RAB4A: variants seen among roughly 807,000 people sequenced by gnomAD.
RAB4A encodes RAB4A, member RAS oncogene family.
In RAB4A, 20 loss-of-function variants were observed where a neutral mutation model predicts 34.5. The observed-to-expected ratio is 0.58, with a 90% CI of 0.41 to 0.84. RAB4A has a LOEUF of 0.84. RAB4A is among the 40% of genes least tolerant of loss of function. RAB4A has a pLI of 0.00. For synonymous variants in RAB4A, 102 were observed against 100.0 expected (o/e 1.02, Z -0.12); for missense variants, 228 against 274.5 (o/e 0.83, Z 1.20).
In RAB4A at chr1:229,271,236, C is replaced by A; in HGVS notation, c.-104C>A. 2 of 1,166,896 alleles carry A rather than the reference C, an allele frequency of 1.7e-6. No homozygotes were observed. The highest frequency in any genetic ancestry group is 2.2e-6 in the Non-Finnish European group (2 of 921,204). The allele number at this position is 1,166,896 out of a possible 1,614,324, so 72.3% of individuals were successfully genotyped here. A position where few individuals can be genotyped will look rare whatever the true frequency, so the allele number is the denominator to read the frequency against. Reference sequence around the variant, plus strand: ...TGCCGTGGGGACCGGTCGGGCCCCTCCCTCCTCCGGTCCCCCGCCCCAGGT... The same window carrying A: ...TGCCGTGGGGACCGGTCGGGCCCCTACCTCCTCCGGTCCCCCGCCCCAGGT... On this transcript the variant is annotated 5_prime_UTR_variant, in exon 1 of 8. Coordinates refer to ENST00000366690, the MANE Select transcript of RAB4A (RefSeq NM_004578.4).
chr1:229,298,756 A>G lies in RAB4A; in HGVS notation c.446-221A>G, dbSNP rs185993410. 5.2e-5 allele frequency among the ~76,000 whole-genome samples: 8 copies of G among 152,386 alleles called. No individual in the cohort carries two copies. In the East Asian group the frequency reaches 1.5e-3, roughly 29 times the overall value. On this transcript the variant is annotated intron_variant, in intron 5 of 7. Transcript: ENST00000366690. ...CAGCCCCTTCACCAGGTTAAGTGCT[A>G]GCACAAGATAGCAGTTACTTTTCAG...
intron 3 of RAB4A, among the ~76,000 whole-genome samples, chr1:229,294,795 A>C (rs1033074617): frequency 6.6e-6 from 1 of 152,112 alleles, no homozygotes; most frequent in Non-Finnish European, 1.5e-5. Flanking sequence ...GCGCCATTGC[A>C]CTCTAGCCTG....
intron 4 of RAB4A, 58 bp from the exon 5 acceptor site, chr1:229,297,424 A>T: frequency 6.7e-7 from 1 of 1,502,214 alleles, no homozygotes; most frequent in Non-Finnish European, 9.0e-7. Context: ...GAATGACTGG[A>T]AAGAGTTGCT....
intron 3 of RAB4A, among the ~76,000 whole-genome samples, chr1:229,289,677 G>A (rs775754341): frequency 2.6e-5 from 4 of 152,078 alleles, no homozygotes; most frequent in East Asian, 1.9e-4. Context: ...TTAGCCGGGC[G>A]TGGTGGCAGG....
intron 2 of RAB4A, among the ~76,000 whole-genome samples, chr1:229,287,807 A>T (rs1656966090): frequency 1.3e-5 from 2 of 152,218 alleles, no homozygotes; most frequent in Non-Finnish European, 2.9e-5. Flanking sequence ...CCCTGTAAAT[A>T]ATAAATCCAG....
chr1:229,296,698 G>T (rs1479012913), intron 4 of RAB4A, among the ~76,000 whole-genome samples: 1 of 152,224 alleles, frequency 6.6e-6, no homozygotes. Flanking sequence ...TCCAGTGAGA[G>T]GATGTCACTC....
chr1:229,281,828 A>G (rs1393314655), intron 1 of RAB4A, among the ~76,000 whole-genome samples: 3 of 140,682 alleles, frequency 2.1e-5, no homozygotes, highest in Non-Finnish European at 4.5e-5. Flanking sequence ...ATATATATAT[A>G]TATATATATA....
intron 1 of RAB4A, among the ~76,000 whole-genome samples, chr1:229,279,586 T>C (rs1022945669): frequency 6.6e-6 from 1 of 152,210 alleles, no homozygotes; most frequent in African/African-American, 2.4e-5. Context: ...GGCTTTATGT[T>C]TGCTATTTCA....
chr1:229,298,481 T>G (rs1408006085), intron 5 of RAB4A, among the ~76,000 whole-genome samples: 1 of 152,242 alleles, frequency 6.6e-6, no homozygotes, highest in African/African-American at 2.4e-5. Flanking sequence ...GCCTTTCTGC[T>G]GAGATGAACA....
Position 229,291,748 on chromosome 1 carries a change from A to AGT in RAB4A, c.227+2907_227+2908dup, listed in dbSNP as rs548214753. Among the ~76,000 whole-genome samples the AGT allele has an allele frequency of 4.9e-3, 740 of 152,226 alleles. 9 individuals carry two copies. The highest frequency in any genetic ancestry group is 0.017 in the African/African-American group (705 of 41,526). The stretch of plus-strand genomic sequence containing the variant: ...GTGGAGAGTAGGGCTCCCAGAGAGG[A>AGT]GTGAGGCAGGAGATGGCTGTGTTTA... On this transcript the variant is annotated intron_variant, in intron 3 of 7. Transcript: ENST00000366690.
At chr1:229,277,285 G>A (rs533168341) in intron 1 of RAB4A, among the ~76,000 whole-genome samples, 4 of 150,972 alleles carry the variant, frequency 2.6e-5, no homozygotes, top group African/African-American at 7.4e-5. Flanking sequence ...CCGCTGTGCC[G>A]ACAACGTTTA....
At chr1:229,303,232 G>A (rs34999520) in intron 7 of RAB4A, among the ~76,000 whole-genome samples, 4 of 152,140 alleles carry the variant, frequency 2.6e-5, no homozygotes, top group East Asian at 1.9e-4. Context: ...GCGTGGTGGC[G>A]TGCACCTGTA....
chr1:229,281,880 CTTGTT>C (rs1399908171), intron 1 of RAB4A, among the ~76,000 whole-genome samples: 1 of 146,476 alleles, frequency 6.8e-6, no homozygotes, highest in Non-Finnish European at 1.5e-5. Context: ...TTTATCCTGT[CTTGTT>C]TTAATTGTCT....
intron 1 of RAB4A, among the ~76,000 whole-genome samples, chr1:229,276,345 T>C (rs745584023): frequency 6.6e-6 from 1 of 151,398 alleles, no homozygotes; most frequent in Non-Finnish European, 1.5e-5. Flanking sequence ...GCTCGAGAAC[T>C]TTGAAAGCAT....
chr1:229,280,222 C>T (rs948437024), intron 1 of RAB4A, among the ~76,000 whole-genome samples: 10 of 152,190 alleles, frequency 6.6e-5, no homozygotes, highest in African/African-American at 2.2e-4. Flanking sequence ...ATCATTGCTG[C>T]AAACCAGCAA....
At chr1:229,292,960 CTG>C (rs1263220196) in intron 3 of RAB4A, among the ~76,000 whole-genome samples, 1 of 152,232 alleles carries the variant, frequency 6.6e-6, no homozygotes, top group Non-Finnish European at 1.5e-5. Context: ...CCAGTCACAA[CTG>C]GAGTGCCCAG....
At chr1:229,271,493 G>T in intron 1 of RAB4A, 123 bp downstream of exon 1, 1 of 816,322 alleles carries the variant, frequency 1.2e-6, no homozygotes, top group Non-Finnish European at 1.6e-6. Flanking sequence ...CCGGGGGACG[G>T]ATCTCGGAGG....
At position 229,302,903 on chromosome 1, in the gene RAB4A, G is replaced by A. The variant is rs887541200; in HGVS notation, c.583G>A (p.Gly195Arg). The change falls in exon 7 of 8, where the codon GGA becomes AGA. Residue 195 changes from glycine (G) to arginine (R), a missense_variant. Physicochemically the swap from Gly to Arg is moderately radical, Grantham distance 125 (BLOSUM62 -2). Transcript: ENST00000366690. The stretch of plus-strand genomic sequence containing the variant: ...AAGAATGGGCTCAGGTATTCAGTAC[G>A]GAGATGCTGCCTTGAGACAGCTGAG... ...PERMGSGIQY[G>R]DAALRQLRSP... 2 of 1,613,750 alleles carry A rather than the reference G, an allele frequency of 1.2e-6. No individual in the cohort carries two copies. Among genetic ancestry groups the A allele is most frequent in the Non-Finnish European group, 1.7e-6 (2 of 1,179,910 alleles).
chr1:229,273,184 C>A (rs1388049223), intron 1 of RAB4A, among the ~76,000 whole-genome samples: 1 of 152,158 alleles, frequency 6.6e-6, no homozygotes. Flanking sequence ...TGGAAGAGTT[C>A]AGGAGATAGA....
Sources: allele counts gnomAD v4.1 joint callset (sites outside exome capture counted in the v4.1 genomes callset), GRCh38; gene constraint gnomAD v4.1.1; transcripts MANE v1.5; gene names NCBI Gene and HGNC (gene_info 2026-07-23, HGNC 2026-07-21).